VWA8: variants seen among roughly 807,000 people sequenced by gnomAD.
The protein encoded by VWA8 is von Willebrand factor A domain-containing protein 8.
Under a neutral mutation model 241.5 loss-of-function variants are expected in VWA8, and 221 were observed. The observed-to-expected ratio is 0.91, with a 90% CI of 0.82 to 1.02. The LOEUF is 1.02. Ranked by LOEUF, VWA8 falls within the 50% of genes least tolerant of loss-of-function variation. The pLI, the probability that VWA8 is intolerant of heterozygous loss-of-function variation, is 0.00. For missense variants in VWA8, 2,322 were observed against 2,328.7 expected (o/e 1.00, Z 0.06); for synonymous variants, 852 against 827.1 (o/e 1.03, Z -0.52).
intron 14 of VWA8, among the ~76,000 whole-genome samples, chr13:41,825,097 C>T (rs944237545): frequency 1.3e-5 from 2 of 152,172 alleles, no homozygotes; most frequent in African/African-American, 4.8e-5. Flanking sequence ...TTATACAGAC[C>T]TGCAGTCTAA....
intron 2 of VWA8, among the ~76,000 whole-genome samples, chr13:41,914,472 C>G (rs1490191251): frequency 6.6e-6 from 1 of 152,124 alleles, no homozygotes; most frequent in African/African-American, 2.4e-5. Context: ...TTAAATCAAT[C>G]TTTATAATAT....
At chr13:41,689,311 G>A (rs1205261497) in intron 34 of VWA8, 43 bp downstream of exon 34, 3 of 1,578,204 alleles carry the variant, frequency 1.9e-6, no homozygotes, top group Non-Finnish European at 8.6e-7. Flanking sequence ...TCAAACTAAG[G>A]GAAAGAAACA....
chr13:41,620,880 C>A (rs2044652991), intron 37 of VWA8, among the ~76,000 whole-genome samples: 2 of 152,286 alleles, frequency 1.3e-5, no homozygotes, highest in African/African-American at 4.8e-5. Flanking sequence ...GTTCTCCGGA[C>A]CTTCATTTTC....
At chr13:41,901,889 A>AATATATATATAT (rs869081141) in intron 4 of VWA8, among the ~76,000 whole-genome samples, 2 of 83,342 alleles carry the variant, frequency 2.4e-5, no homozygotes, top group African/African-American at 1.0e-4. Flanking sequence ...AAAAAAAAAA[A>AATATATATATAT]ATATATATAT....
Position 41,911,942 on chromosome 13 carries a change from A to T in VWA8, c.372+96T>A, listed in dbSNP as rs921313989. 1.1e-5 allele frequency: 14 copies of T among 1,269,378 alleles called. No homozygotes were observed. In the African/African-American group the frequency reaches 2.0e-4, roughly 18 times the overall value. The allele number at this position is 1,269,378 out of a possible 1,614,324, so 78.6% of individuals were successfully genotyped here. The stretch of plus-strand genomic sequence containing the variant: ...ATGTCAGCATTTGTTTCAAATAATG[A>T]CTAATTCTGATATTTTTTATAAATT... On this transcript the variant is annotated intron_variant, in intron 3 of 44. Coordinates refer to ENST00000379310, the MANE Select transcript of VWA8 (RefSeq NM_015058.2).
intron 4 of VWA8, among the ~76,000 whole-genome samples, chr13:41,898,319 A>G (rs375200372): frequency 0.014 from 1,932 of 142,014 alleles, 22 homozygotes; most frequent in Middle Eastern, 0.06. Flanking sequence ...ACAGAGTGCC[A>G]ATTGGTGTAT....
chr13:41,928,661 C>T (rs976639372), intron 2 of VWA8, among the ~76,000 whole-genome samples: 26 of 151,906 alleles, frequency 1.7e-4, no homozygotes, highest in Admixed American at 5.9e-4. Flanking sequence ...AACAGTTGAA[C>T]GTTATGCCTC....
chr13:41,873,920 A>T (rs1433470017), intron 9 of VWA8, among the ~76,000 whole-genome samples: 1 of 152,200 alleles, frequency 6.6e-6, no homozygotes, highest in Non-Finnish European at 1.5e-5. Flanking sequence ...ATGAACATTG[A>T]TGCAAAAATC....
chr13:41,820,462 G>A (rs1870903671), intron 14 of VWA8, among the ~76,000 whole-genome samples: 2 of 152,144 alleles, frequency 1.3e-5, no homozygotes, highest in Non-Finnish European at 2.9e-5. Flanking sequence ...CCAAGTCCCT[G>A]ACGGCATGAT....
At chr13:41,909,808 A>G (rs1053818440) in intron 3 of VWA8, among the ~76,000 whole-genome samples, 4 of 152,234 alleles carry the variant, frequency 2.6e-5, no homozygotes, top group African/African-American at 4.8e-5. Flanking sequence ...CAGATGGAGG[A>G]GGCAGCAGTG....
intron 26 of VWA8, 48 bp from the exon 27 acceptor site, chr13:41,703,459 C>A: frequency 6.4e-7 from 1 of 1,554,384 alleles, no homozygotes; most frequent in South Asian, 1.1e-5. Context: ...GTACCCAAGT[C>A]ATAGAAAAAA....
chr13:41,851,539 G>A (rs117337426), intron 12 of VWA8, among the ~76,000 whole-genome samples: 24 of 152,220 alleles, frequency 1.6e-4, no homozygotes, highest in Admixed American at 2.6e-4. Flanking sequence ...TGCTGTTCTC[G>A]TGGTAGTGAA....
At chr13:41,921,334 C>T (rs1876524879) in intron 2 of VWA8, among the ~76,000 whole-genome samples, 1 of 152,192 alleles carries the variant, frequency 6.6e-6, no homozygotes, top group African/African-American at 2.4e-5. Flanking sequence ...CAACATCATA[C>T]TGAATGGGCA....
intron 17 of VWA8, among the ~76,000 whole-genome samples, chr13:41,788,816 T>C (rs1021429478): frequency 4.6e-5 from 7 of 152,172 alleles, no homozygotes; most frequent in Admixed American, 1.3e-4. Context: ...CTGACTGGCA[T>C]TGACTATTTT....
intron 4 of VWA8, among the ~76,000 whole-genome samples, chr13:41,907,260 C>G (rs1010147593): frequency 6.6e-6 from 1 of 152,122 alleles, no homozygotes; most frequent in Non-Finnish European, 1.5e-5. Flanking sequence ...GCTAGAGAAT[C>G]TCCTATATCA....
chr13:41,829,377 A>G (rs1871316773), intron 14 of VWA8, among the ~76,000 whole-genome samples: 1 of 152,166 alleles, frequency 6.6e-6, no homozygotes, highest in Non-Finnish European at 1.5e-5. Context: ...TTGATCCAGC[A>G]ATCCCACTAC....
intron 21 of VWA8, among the ~76,000 whole-genome samples, chr13:41,752,172 A>G (rs12429757): frequency 0.26 from 39,397 of 151,970 alleles, 5,830 homozygotes; most frequent in Non-Finnish European, 0.33. Context: ...GATCTGGATC[A>G]CCTCCTAGTG....
chr13:41,852,624 T>C (rs1410080808), intron 12 of VWA8, among the ~76,000 whole-genome samples: 5 of 152,172 alleles, frequency 3.3e-5, no homozygotes, highest in African/African-American at 1.2e-4. Flanking sequence ...CATTCTTAGT[T>C]GATTTTTGTA....
chr13:41,857,938 A>G (rs1872824599), intron 12 of VWA8, among the ~76,000 whole-genome samples: 1 of 152,230 alleles, frequency 6.6e-6, no homozygotes, highest in Non-Finnish European at 1.5e-5. Context: ...TGGAGGCCTG[A>G]GTAGAACAAA....
Sources: allele counts gnomAD v4.1 joint callset (sites outside exome capture counted in the v4.1 genomes callset), GRCh38; gene constraint gnomAD v4.1.1; transcripts MANE v1.5; gene names NCBI Gene and HGNC (gene_info 2026-07-23, HGNC 2026-07-21).